VTI1A: variants seen among roughly 807,000 people sequenced by gnomAD.
The protein encoded by VTI1A is vesicle transport through interaction with t-SNAREs homolog 1A.
VTI1A carries 22 observed loss-of-function variants against 34.9 expected under a neutral mutation model. The ratio of observed to expected loss-of-function variants is 0.63; its 90% confidence interval spans 0.45 to 0.90. The LOEUF (loss-of-function observed/expected upper bound fraction) is 0.90, where lower values mean the gene tolerates loss of function less well. Among genes scored for constraint, VTI1A ranks in the 40% least tolerant of loss-of-function variants. The pLI is 0.00. For synonymous variants in VTI1A, 87 were observed against 97.3 expected, an observed-to-expected ratio of 0.89 and a Z score of 0.62; for missense variants, 268 against 275.6, an observed-to-expected ratio of 0.97 and a Z score of 0.20.
chr10:112,621,474 A>G (rs1845732324), intron 5 of VTI1A, among the ~76,000 whole-genome samples: 1 of 152,166 alleles, frequency 6.6e-6, no homozygotes, highest in South Asian at 2.1e-4. Flanking sequence ...TCCCCATACC[A>G]TCCTTATCAG....
chr10:112,524,570 G>A (rs1332714382), intron 3 of VTI1A, among the ~76,000 whole-genome samples: 2 of 152,138 alleles, frequency 1.3e-5, no homozygotes, highest in African/African-American at 4.8e-5. Flanking sequence ...CTCTGTTGCT[G>A]AGCATGTACA....
At chr10:112,681,886 A>T (rs902123837) in intron 7 of VTI1A, among the ~76,000 whole-genome samples, 2 of 152,228 alleles carry the variant, frequency 1.3e-5, no homozygotes, top group African/African-American at 4.8e-5. Context: ...TATTAACTTG[A>T]TAAGCATATC....
chr10:112,481,847 T>C (rs1651782768), intron 3 of VTI1A, among the ~76,000 whole-genome samples: 1 of 152,210 alleles, frequency 6.6e-6, no homozygotes, highest in Admixed American at 6.5e-5. Context: ...GAAAATCTGC[T>C]TGGTTCCAAA....
intron 7 of VTI1A, among the ~76,000 whole-genome samples, chr10:112,733,718 C>G (rs1213760053): frequency 7.5e-6 from 1 of 133,396 alleles, no homozygotes; most frequent in Non-Finnish European, 1.5e-5. Context: ...AGTCAGTTCT[C>G]ATTTACATTA....
chr10:112,560,559 A>G (rs939615567), intron 5 of VTI1A, among the ~76,000 whole-genome samples: 5 of 151,364 alleles, frequency 3.3e-5, no homozygotes, highest in African/African-American at 1.2e-4. Context: ...TGATTGAAGG[A>G]AATGGGCAGC....
chr10:112,495,625 C>T lies in VTI1A; in HGVS notation c.264+30968C>T, dbSNP rs376045706. Among the ~76,000 whole-genome samples, 13 of 152,200 alleles carry T rather than the reference C, an allele frequency of 8.5e-5. 1 individual carries two copies. The East Asian group carries it at 1.4e-3, about 16-fold the overall frequency. On this transcript the variant is annotated intron_variant, in intron 3 of 7. Transcript: ENST00000393077. ...AGAAATTAAATAGCCAGTTTGAGTTCAGAAGAGAGTTAAATATCAAGTTTG... is the reference window on the plus strand; with the variant it reads ...AGAAATTAAATAGCCAGTTTGAGTTTAGAAGAGAGTTAAATATCAAGTTTG...
intron 7 of VTI1A, among the ~76,000 whole-genome samples, chr10:112,715,282 A>G (rs1247477281): frequency 6.6e-6 from 1 of 152,234 alleles, no homozygotes; most frequent in Non-Finnish European, 1.5e-5. Context: ...ACCTAAATGA[A>G]TAATCTAAAC....
chr10:112,704,519 G>T (rs554845989), intron 7 of VTI1A, among the ~76,000 whole-genome samples: 5 of 152,042 alleles, frequency 3.3e-5, no homozygotes, highest in Non-Finnish European at 5.9e-5. Context: ...CAGACTCATT[G>T]TTAATCATAA....
rs41422452 is a variant in VTI1A at position 112,784,245 on chromosome 10, G to C, written c.561-31045G>C. On this transcript the variant is annotated intron_variant, in intron 7 of 7. Transcript: ENST00000393077. ...AGACCACATCTGTAGCAAATCTGCC[G>C]GTATATTCCTTACACTAGTTTTACT... Among the ~76,000 whole-genome samples, 1,096 of 152,162 alleles carry C rather than the reference G, an allele frequency of 7.2e-3. 9 individuals are homozygous for C. Among genetic ancestry groups the C allele is most frequent in the African/African-American group, 0.024 (1,016 of 41,514 alleles).
At chr10:112,671,937 C>T (rs191388489) in intron 7 of VTI1A, 2 of 151,886 alleles carry the variant, frequency 1.3e-5, no homozygotes, top group Non-Finnish European at 2.9e-5. Context: ...ATGCCAGGGC[C>T]GGGGATCCTG....
chr10:112,774,209 G>A (rs975573396), intron 7 of VTI1A, among the ~76,000 whole-genome samples: 1 of 152,214 alleles, frequency 6.6e-6, no homozygotes, highest in African/African-American at 2.4e-5. Context: ...CACCAGAGAA[G>A]CAGTTCAGGA....
At chr10:112,627,471 T>C (rs956028850) in intron 5 of VTI1A, among the ~76,000 whole-genome samples, 3 of 152,128 alleles carry the variant, frequency 2.0e-5, no homozygotes, top group Admixed American at 2.0e-4. Context: ...GATAGAAGTA[T>C]ATAAAAAAAT....
At chr10:112,764,897 CA>C (rs1435903147) in intron 7 of VTI1A, among the ~76,000 whole-genome samples, 1 of 152,128 alleles carries the variant, frequency 6.6e-6, no homozygotes, top group Non-Finnish European at 1.5e-5. Context: ...TACCTGTGTG[CA>C]GAGGTACTAA....
At chr10:112,484,116 GAT>G (rs776136436) in intron 3 of VTI1A, among the ~76,000 whole-genome samples, 9 of 152,220 alleles carry the variant, frequency 5.9e-5, no homozygotes, top group Non-Finnish European at 1.2e-4. Flanking sequence ...GAGGCAGTGT[GAT>G]GCAGCAGCAG....
At chr10:112,570,614 T>A (rs949917104) in intron 5 of VTI1A, among the ~76,000 whole-genome samples, 1 of 152,212 alleles carries the variant, frequency 6.6e-6, no homozygotes, top group Admixed American at 6.5e-5. Context: ...AATAAAGTGT[T>A]TAGACTTCAA....
In VTI1A at chr10:112,719,087, A is replaced by C. The variant is rs762900602; in HGVS notation, c.560+50089A>C. On this transcript the variant is annotated intron_variant, in intron 7 of 7. Coordinates refer to ENST00000393077, the MANE Select transcript of VTI1A (RefSeq NM_145206.4). ...GAAATTACCTGTATTCACTGTAGAG[A>C]AGGAAAGACTTTTATCTTTCACGAT... Among the ~76,000 whole-genome samples the C allele has an allele frequency of 7.9e-4, 121 of 152,364 alleles. 1 individual carries two copies. Among genetic ancestry groups the C allele is most frequent in the Non-Finnish European group, 3.5e-4 (24 of 68,044 alleles).
intron 7 of VTI1A, among the ~76,000 whole-genome samples, chr10:112,704,655 T>A (rs1257513496): frequency 6.6e-6 from 1 of 152,178 alleles, no homozygotes; most frequent in African/African-American, 2.4e-5. Flanking sequence ...TTTCAACCAC[T>A]TGTTTATTGA....
intron 7 of VTI1A, among the ~76,000 whole-genome samples, chr10:112,778,369 C>T (rs1383749270): frequency 1.3e-5 from 2 of 152,178 alleles, no homozygotes; most frequent in Admixed American, 6.5e-5. Context: ...ATTGTTACCC[C>T]ACTTGTCCCC....
intron 5 of VTI1A, among the ~76,000 whole-genome samples, chr10:112,620,603 C>G (rs1845696595): frequency 6.6e-6 from 1 of 151,984 alleles, no homozygotes; most frequent in Non-Finnish European, 1.5e-5. Context: ...CCAGCCTGAC[C>G]AACAAGGTGA....
Sources: gnomAD v4.1 joint callset for allele counts (sites outside exome capture counted in the v4.1 genomes callset) on GRCh38, gnomAD v4.1.1 for gene constraint, MANE v1.5 for transcripts, NCBI Gene and HGNC (gene_info 2026-07-23, HGNC 2026-07-21) for gene names.